Variants in AFF2 observed in about 807,000 individuals in gnomAD.
AFF2 encodes the protein ALF transcription elongation factor 2.
In AFF2, 14 loss-of-function variants were observed where a neutral mutation model predicts 76.9. The observed-to-expected ratio is 0.18, with a 90% CI of 0.12 to 0.28. The LOEUF is 0.28. Ranked by LOEUF, AFF2 falls within the 10% of genes least tolerant of loss-of-function variation. AFF2 has a pLI of 1.00. For missense variants in AFF2, 868 were observed against 1,001.1 expected (o/e 0.87, Z 1.79); for synonymous variants, 398 against 366.7 (o/e 1.09, Z -0.98).
chrX:148,656,390 A>G (rs1363955783), intron 2 of AFF2, among the ~76,000 whole-genome samples: 1 of 111,343 alleles, frequency 9.0e-6, no homozygotes, highest in Non-Finnish European at 1.9e-5. Context: ...GCACTGTGCT[A>G]GAGTTTTATG....
intron 1 of AFF2, among the ~76,000 whole-genome samples, chrX:148,530,613 A>C (rs1387200830): frequency 5.5e-5 from 6 of 109,101 alleles, no homozygotes; most frequent in African/African-American, 2.0e-4. Flanking sequence ...TCTTGCTTGC[A>C]ATGTCTTATA....
At chrX:148,682,578 GTGGATGGATGGA>G (rs781792992) in intron 3 of AFF2, among the ~76,000 whole-genome samples, 28 of 106,308 alleles carry the variant, frequency 2.6e-4, no homozygotes, top group South Asian at 1.3e-3. Context: ...GGGTGGACAG[GTGGATGGATGGA>G]TGGATGGATG....
chrX:148,785,426 C>T (rs1557269441), intron 3 of AFF2, among the ~76,000 whole-genome samples: 1 of 111,430 alleles, frequency 9.0e-6, no homozygotes, highest in Non-Finnish European at 1.9e-5. Context: ...CACATTTATA[C>T]TTTACCTATT....
chrX:148,831,249 C>T (rs782618055), intron 4 of AFF2, among the ~76,000 whole-genome samples: 4 of 111,374 alleles, frequency 3.6e-5, no homozygotes, highest in East Asian at 5.7e-4. Context: ...GGTCCTGAGG[C>T]GACATTCATC....
chrX:148,651,813 G>T (rs1306417032), intron 1 of AFF2, among the ~76,000 whole-genome samples, 186 bp from the exon 2 acceptor site: 2 of 111,625 alleles, frequency 1.8e-5, no homozygotes, highest in Non-Finnish European at 3.8e-5. Flanking sequence ...TCTTTATTCT[G>T]AAGAGCTGGT....
intron 7 of AFF2, among the ~76,000 whole-genome samples, chrX:148,874,445 A>T (rs868907528): frequency 9.8e-6 from 1 of 101,920 alleles, no homozygotes; most frequent in South Asian, 4.4e-4. Flanking sequence ...AAAAAAAAAA[A>T]TGGCGACTCA....
In AFF2 at chrX:148,956,356, A is replaced by G; in HGVS notation, c.2311A>G (p.Ile771Val). 8.3e-7 allele frequency: 1 copy of G among 1,211,846 alleles called. No homozygotes were observed. ...CAGTGGCAGCAACAACAACTTATCC[A>G]TCAGTAATGAAGAGCCAACATTTTC... Reference protein sequence around the residue: ...SSSGSNNNLSISNEEPTFSPI... With the variant: ...SSSGSNNNLSVSNEEPTFSPI... Residue 771 changes from isoleucine to valine, a missense_variant, in exon 11 of 21, where the codon ATC becomes GTC. Coordinates refer to ENST00000370460, the MANE Select transcript of AFF2 (RefSeq NM_002025.4).
At chrX:148,706,286 G>T (rs2054883538) in intron 3 of AFF2, among the ~76,000 whole-genome samples, 1 of 111,778 alleles carries the variant, frequency 8.9e-6, no homozygotes, top group African/African-American at 3.3e-5. Context: ...TGCCATTTCG[G>T]AACCTGTCCA....
chrX:148,698,151 T>G (rs1557261485), intron 3 of AFF2, among the ~76,000 whole-genome samples: 1 of 112,392 alleles, frequency 8.9e-6, no homozygotes, highest in African/African-American at 3.2e-5. Flanking sequence ...AAGTCAGTCC[T>G]GATTTCATTT....
intron 7 of AFF2, among the ~76,000 whole-genome samples, chrX:148,877,049 A>T (rs782040683): frequency 8.9e-6 from 1 of 111,953 alleles, no homozygotes; most frequent in Non-Finnish European, 1.9e-5. Context: ...AGTGTGTCCT[A>T]TAACTTGGTC....
chrX:148,535,242 A>G (rs2052771317), intron 1 of AFF2, among the ~76,000 whole-genome samples: 1 of 112,010 alleles, frequency 8.9e-6, no homozygotes, highest in Non-Finnish European at 1.9e-5. Flanking sequence ...ATTAAATCCA[A>G]ACTCTTGAGG....
chrX:148,521,374 G>GCACACACACACACACACACA (rs781978355), intron 1 of AFF2, among the ~76,000 whole-genome samples: 4 of 90,910 alleles, frequency 4.4e-5, no homozygotes, highest in East Asian at 4.1e-4. Flanking sequence ...GCACGTGCAT[G>GCACACACACACACACACACA]CACACACACA....
At position 148,662,018 on chromosome X, in the gene AFF2, T is replaced by G. The variant is rs1557257800; in HGVS notation, c.291T>G (p.Ile97Met). 8.3e-7 allele frequency: 1 copy of G among 1,210,497 alleles called. No homozygotes were observed. The highest frequency in any genetic ancestry group is 2.2e-5 in the Admixed American group (1 of 46,003). ...CTAATCAGAATCACCTAGTGGGAAT[T>G]CCAAAGAATTCTGTGCCCCAGAATC... ...NHSNQNHLVG[I>M]PKNSVPQNPN... The change falls in exon 3 of 21, where the codon ATT becomes ATG. Residue 97 changes from isoleucine to methionine, a missense_variant. Coordinates refer to ENST00000370460, the MANE Select transcript of AFF2 (RefSeq NM_002025.4).
At chrX:148,572,373 G>A (rs1002955463) in intron 1 of AFF2, among the ~76,000 whole-genome samples, 8 of 111,661 alleles carry the variant, frequency 7.2e-5, no homozygotes, top group African/African-American at 2.6e-4. Context: ...GCTAAATATC[G>A]AATTTTCATG....
chrX:148,560,921 G>A (rs1232486643), intron 1 of AFF2, among the ~76,000 whole-genome samples: 2 of 110,942 alleles, frequency 1.8e-5, no homozygotes, highest in Admixed American at 9.6e-5. Context: ...TGTACCCCTC[G>A]CCACTTCAGT....
intron 1 of AFF2, among the ~76,000 whole-genome samples, chrX:148,509,596 T>C (rs1408559942): frequency 1.8e-5 from 2 of 112,053 alleles, no homozygotes; most frequent in Non-Finnish European, 3.8e-5. Context: ...TTGAAACAAG[T>C]GTTTGTAAAT....
chrX:148,688,167 G>A (rs1040284616), intron 3 of AFF2, among the ~76,000 whole-genome samples: 14 of 111,238 alleles, frequency 1.3e-4, no homozygotes, highest in Non-Finnish European at 2.1e-4. Context: ...GATTTCTGCT[G>A]CTGGTTTTCT....
At chrX:148,885,033 A>G (rs1261463793) in intron 7 of AFF2, among the ~76,000 whole-genome samples, 2 of 111,916 alleles carry the variant, frequency 1.8e-5, no homozygotes, top group Non-Finnish European at 3.8e-5. Flanking sequence ...AAAGTTATAT[A>G]TAATAAATAA....
chrX:148,595,214 G>T (rs926198100), intron 1 of AFF2, among the ~76,000 whole-genome samples: 2 of 112,285 alleles, frequency 1.8e-5, no homozygotes, highest in African/African-American at 6.5e-5. Flanking sequence ...TATCGATAAA[G>T]TGGGAAGATA....
Sources: allele counts gnomAD v4.1 joint callset (sites outside exome capture counted in the v4.1 genomes callset), GRCh38; gene constraint gnomAD v4.1.1; transcripts MANE v1.5; gene names NCBI Gene and HGNC (gene_info 2026-07-23, HGNC 2026-07-21).